The following ITIH5 variants were observed in gnomAD, a reference collection of about 807,000 sequenced individuals.
ITIH5 encodes inter-alpha-trypsin inhibitor heavy chain 5.
A neutral mutation model predicts 77.5 loss-of-function variants in ITIH5; 65 were observed. The ratio of observed to expected loss-of-function variants is 0.84; its 90% CI spans 0.69 to 1.03. ITIH5 has a LOEUF of 1.03. Ranked by LOEUF, ITIH5 falls within the 50% of genes least tolerant of loss-of-function variation. The pLI is 0.00. For synonymous variants in ITIH5, 525 were observed against 494.3 expected (o/e 1.06, Z -0.82); for missense variants, 1,208 against 1,213.1 (o/e 1.00, Z 0.06).
At chr10:7,651,723 T>C (rs554836951) in intron 2 of ITIH5, among the ~76,000 whole-genome samples, 81 of 152,216 alleles carry the variant, frequency 5.3e-4, no homozygotes, top group African/African-American at 1.8e-3. Context: ...AGACCAACCC[T>C]ACAGCCAATC....
At chr10:7,585,847 A>T in intron 8 of ITIH5, 54 bp downstream of exon 8, 1 of 1,495,240 alleles carries the variant, frequency 6.7e-7, no homozygotes, top group Non-Finnish European at 9.0e-7. Context: ...AAAACCAAAA[A>T]AAAAAACATT....
intron 8 of ITIH5, among the ~76,000 whole-genome samples, chr10:7,581,017 T>C (rs1564242553): frequency 6.6e-6 from 1 of 152,076 alleles, no homozygotes; most frequent in Admixed American, 6.5e-5. Context: ...CCCAGCACTC[T>C]GGGAGGCCAA....
intron 13 of ITIH5, among the ~76,000 whole-genome samples, chr10:7,564,082 C>G (rs1832092901): frequency 6.6e-6 from 1 of 152,250 alleles, no homozygotes; most frequent in African/African-American, 2.4e-5. Flanking sequence ...TGGGTGCCCC[C>G]CCGGTGGGGG....
chr10:7,576,806 T>C lies in ITIH5; in HGVS notation c.1625A>G (p.Lys542Arg), dbSNP rs565949194. ...CTGAGGCCGCACAGGCACATCTGTC[T>C]TCAGGATGATGAATTTCTTACTGTT... Reference protein sequence around the residue: ...ASNSKKFIILKTDVPVRPQKA... With the variant: ...ASNSKKFIILRTDVPVRPQKA... The change falls in exon 10 of 14, where the codon AAG (lysine) becomes AGG (arginine). Residue 542 changes from lysine to arginine, a missense_variant. Transcript: ENST00000397146. 1 of 1,614,200 alleles carries C rather than the reference T, an allele frequency of 6.2e-7. No individual in the cohort carries two copies. Among genetic ancestry groups the C allele is most frequent in the African/African-American group, 1.3e-5 (1 of 75,040 alleles).
intron 7 of ITIH5, among the ~76,000 whole-genome samples, chr10:7,586,347 G>A (rs964969303): frequency 6.6e-6 from 1 of 152,102 alleles, no homozygotes; most frequent in Non-Finnish European, 1.5e-5. Context: ...CTGTTCTCTT[G>A]ACCCCAGATG....
intron 7 of ITIH5, among the ~76,000 whole-genome samples, chr10:7,595,814 C>T (rs1037940616): frequency 6.6e-6 from 1 of 152,020 alleles, no homozygotes; most frequent in Admixed American, 6.6e-5. Flanking sequence ...TGAGGCTATC[C>T]GGGCTAACAT....
intron 1 of ITIH5, among the ~76,000 whole-genome samples, chr10:7,659,185 T>G (rs1454090326): frequency 6.6e-6 from 1 of 152,084 alleles, no homozygotes; most frequent in African/African-American, 2.4e-5. Context: ...GAAACCAACC[T>G]GGCCAACATG....
intron 1 of ITIH5, among the ~76,000 whole-genome samples, chr10:7,659,397 A>G (rs7913097): frequency 8.1e-4 from 123 of 152,156 alleles, no homozygotes; most frequent in African/African-American, 2.8e-3. Context: ...ATAAAAATTA[A>G]AAGTAAATTA....
At chr10:7,655,558 A>C in intron 2 of ITIH5, 73 bp downstream of exon 2, 1 of 1,243,288 alleles carries the variant, frequency 8.0e-7, no homozygotes, top group South Asian at 1.3e-5. Context: ...CTGCAAGCAA[A>C]GTGGATACCT....
chr10:7,587,792 T>A (rs1019413861), intron 7 of ITIH5, among the ~76,000 whole-genome samples: 2 of 152,110 alleles, frequency 1.3e-5, no homozygotes, highest in African/African-American at 4.8e-5. Flanking sequence ...CAGAAGGACA[T>A]GTGCTAAGTG....
At position 7,617,097 on chromosome 10, in the gene ITIH5, A is replaced by T. The variant is rs754550719; in HGVS notation, c.822+16T>A. 1 of 1,498,276 alleles carries T rather than the reference A, an allele frequency of 6.7e-7. No homozygotes were observed. Among genetic ancestry groups the T allele is most frequent in the East Asian group, 2.5e-5 (1 of 39,932 alleles). 92.8% of individuals were successfully genotyped at this position (1,498,276 alleles called of 1,614,324 possible). A position where few individuals can be genotyped will look rare whatever the true frequency, so the allele number is the denominator to read the frequency against. ...ACCAACCAACCAACATGAAATAGCAACGACGATCCTATTACCTGGATGTCC... is the reference window on the plus strand; with the variant it reads ...ACCAACCAACCAACATGAAATAGCATCGACGATCCTATTACCTGGATGTCC... On this transcript the variant is annotated intron_variant, in intron 6 of 13. Transcript: ENST00000397146.
chr10:7,588,584 T>A (rs10905197), intron 7 of ITIH5, among the ~76,000 whole-genome samples: 46,089 of 152,166 alleles, frequency 0.3, 7,526 homozygotes, highest in East Asian at 0.49. Context: ...AAGAGTTTCT[T>A]GGCTGAGCAA....
chr10:7,565,720 G>A (rs1208021392), intron 13 of ITIH5, among the ~76,000 whole-genome samples: 4 of 148,018 alleles, frequency 2.7e-5, no homozygotes, highest in Non-Finnish European at 5.9e-5. Context: ...TATATATTAT[G>A]TATTTATATA....
At chr10:7,582,399 C>T (rs1178316466) in intron 8 of ITIH5, among the ~76,000 whole-genome samples, 1 of 152,074 alleles carries the variant, frequency 6.6e-6, no homozygotes, top group Admixed American at 6.6e-5. Context: ...CTACCAACAT[C>T]CCACCATTAC....
intron 7 of ITIH5, among the ~76,000 whole-genome samples, chr10:7,588,092 C>T (rs1290816046): frequency 1.3e-5 from 2 of 152,216 alleles, no homozygotes; most frequent in Non-Finnish European, 2.9e-5. Flanking sequence ...ATTTTTAAAT[C>T]TGCACATTAG....
At chr10:7,648,273 C>A (rs1834038327) in intron 2 of ITIH5, among the ~76,000 whole-genome samples, 1 of 151,742 alleles carries the variant, frequency 6.6e-6, no homozygotes, top group South Asian at 2.1e-4. Flanking sequence ...CAGAGACACC[C>A]TGGCTAATTC....
chr10:7,640,698 A>T, intron 4 of ITIH5, 56 bp downstream of exon 4: 1 of 1,113,020 alleles, frequency 9.0e-7, no homozygotes. Context: ...AAAGGCATAG[A>T]AAATGTGGCA....
At chr10:7,653,622 A>G (rs80246593) in intron 2 of ITIH5, among the ~76,000 whole-genome samples, 5,530 of 152,318 alleles carry the variant, frequency 0.036, 170 homozygotes, top group African/African-American at 0.086. Context: ...AAAAATCTGG[A>G]AATAAATTGA....
At position 7,576,850 on chromosome 10, in the gene ITIH5, G is replaced by A. The variant is rs1239720355; in HGVS notation, c.1581C>T (p.His527=). 4.3e-6 allele frequency: 7 copies of A among 1,614,148 alleles called. No homozygotes were observed. Among genetic ancestry groups the A allele is most frequent in the African/African-American group, 2.7e-5 (2 of 75,028 alleles). ...TACTGTTGCTGGCGGTGACCTCCAC[G>A]TGCAGGTGATCCAGCTTCCTGTCCA... ...KLVDRKLDHL[H]VEVTASNSKK... The change falls in exon 10 of 14, where the codon CAC becomes CAT. Residue 527 remains histidine (H), a synonymous_variant. Transcript: ENST00000397146.
Sources: allele counts gnomAD v4.1 joint callset (sites outside exome capture counted in the v4.1 genomes callset), GRCh38; gene constraint gnomAD v4.1.1; transcripts MANE v1.5; gene names NCBI Gene and HGNC (gene_info 2026-07-23, HGNC 2026-07-21).